Variants in HECTD3 observed in about 807,000 individuals in gnomAD.
The protein encoded by HECTD3 is E3 ubiquitin-protein ligase HECTD3.
A neutral mutation model predicts 109.3 loss-of-function variants in HECTD3; 72 were observed. The ratio of observed to expected loss-of-function variants is 0.66; its 90% CI spans 0.54 to 0.80. The LOEUF is 0.80. HECTD3 is among the 30% of genes least tolerant of loss of function. The pLI, the probability that HECTD3 is intolerant of heterozygous loss-of-function variation, is 0.00. For synonymous variants in HECTD3, 481 were observed against 471.8 expected (o/e 1.02, Z -0.25); for missense variants, 1,041 against 1,165.2 (o/e 0.89, Z 1.55).
In HECTD3 at chr1:45,006,580, GC is replaced by G; in HGVS notation, c.1725+111del. The G allele has an allele frequency of 1.2e-6, 1 of 863,102 alleles. No homozygotes were observed. Among genetic ancestry groups the G allele is most frequent in the Middle Eastern group, 2.7e-4 (1 of 3,670 alleles). The allele number at this position is 863,102 out of a possible 1,614,324, so 53.5% of individuals were successfully genotyped here. A position where few individuals can be genotyped will look rare whatever the true frequency, so the allele number is the denominator to read the frequency against. Reference sequence around the variant, plus strand: ...GCTTCCCAAAGTGCTGGGATTACAGGCGTGAGCCACTGTGCCTGCCCCCTTT... The same window carrying G: ...GCTTCCCAAAGTGCTGGGATTACAGGGTGAGCCACTGTGCCTGCCCCCTTT... On this transcript the variant is annotated intron_variant, in intron 13 of 20. Coordinates refer to ENST00000372172, the MANE Select transcript of HECTD3 (RefSeq NM_024602.6). The surrounding 1 kb of genome is among the most constrained non-coding windows in gnomAD (Gnocchi z 4.7).
In HECTD3 at chr1:45,006,413, C is replaced by T. The variant is rs746022467; in HGVS notation, c.1725+279G>A. ...CTCCGTCTCCTGGGTTCAAGCGAGT[C>T]GCCTGCTTCAGCCTCCCATGTAGCT... On this transcript the variant is annotated intron_variant, in intron 13 of 20. Coordinates refer to ENST00000372172, the MANE Select transcript of HECTD3 (RefSeq NM_024602.6). The surrounding 1 kb of genome is among the most constrained non-coding windows in gnomAD (Gnocchi z 4.7). Among the ~76,000 whole-genome samples the T allele has an allele frequency of 6.6e-6, 1 of 151,722 alleles. No homozygotes were observed. The highest frequency in any genetic ancestry group is 1.5e-5 in the Non-Finnish European group (1 of 67,990).
rs1266789006 is a variant in HECTD3, at chr1:45,003,708, G to C, written c.2462C>G (p.Ser821Cys). 1 of 1,614,128 alleles carries C rather than the reference G, an allele frequency of 6.2e-7. No individual in the cohort carries two copies. Among genetic ancestry groups the C allele is most frequent in the South Asian group, 1.1e-5 (1 of 91,084 alleles). The change falls in exon 20 of 21, where the codon TCC becomes TGC. Residue 821 changes from serine to cysteine, a missense_variant. Ser to Cys is a moderately radical substitution (Grantham distance 112). Coordinates refer to ENST00000372172, the MANE Select transcript of HECTD3 (RefSeq NM_024602.6). The surrounding 1 kb of genome is among the most constrained non-coding windows in gnomAD (Gnocchi z 4.7). Reference sequence around the variant, plus strand: ...CAGGAAGAGGGTGCTGGAGCAAGTGGAAGACTCGGGCAGCGCGTCTGTGGT... The same window carrying C: ...CAGGAAGAGGGTGCTGGAGCAAGTGCAAGACTCGGGCAGCGCGTCTGTGGT... ...YETTDALPES[S>C]TCSSTLFLPH... is the part of the protein sequence containing the mutation.
rs1406612709 is a variant in HECTD3 at position 45,010,910 on chromosome 1, C to G, written c.348G>C (p.Gly116=). ...GCACCTTTGTCAGCTTCACCCAGAG[C>G]CCGTGGCCATTGCACAGCTCCTCGC... The part of the protein sequence containing the change: ...TTGEELCNGH[G]LWVKLTKEQL... The change falls in exon 1 of 21, where the codon GGG becomes GGC. Residue 116 remains glycine (G), a synonymous_variant. Coordinates refer to ENST00000372172, the MANE Select transcript of HECTD3 (RefSeq NM_024602.6). The G allele has an allele frequency of 1.3e-6, 2 of 1,544,822 alleles. No individual in the cohort carries two copies. Among genetic ancestry groups the G allele is most frequent in the East Asian group, 2.3e-5 (1 of 43,586 alleles).
Position 45,011,313 on chromosome 1 carries a change from G to C in HECTD3, c.-56C>G. ...CGACCCTGCCCGGGGAACAGCTGGC[G>C]CGACCGCGGACAGAGCTTCCCACCA... On this transcript the variant is annotated 5_prime_UTR_variant, in exon 1 of 21. Transcript: ENST00000372172. 1.5e-6 allele frequency: 2 copies of C among 1,350,926 alleles called. No individual in the cohort carries two copies. Among genetic ancestry groups the C allele is most frequent in the Non-Finnish European group, 9.5e-7 (1 of 1,056,998 alleles). The allele number at this position is 1,350,926 out of a possible 1,614,324, so 83.7% of individuals were successfully genotyped here.
chr1:45,006,182 C>G lies in HECTD3; in HGVS notation c.1726-66G>C. The G allele has an allele frequency of 6.4e-7, 1 of 1,569,544 alleles. No individual in the cohort carries two copies. Among genetic ancestry groups the G allele is most frequent in the South Asian group, 1.2e-5 (1 of 86,648 alleles). On this transcript the variant is annotated intron_variant, in intron 13 of 20. Transcript: ENST00000372172. The surrounding 1 kb of genome is among the most constrained non-coding windows in gnomAD (Gnocchi z 4.7). ...CCCTATTTTCCTGGCCCAAAGACTT[C>G]CCTGAACATTTTCCACTGGGAACAT...
intron 15 of HECTD3, chr1:45,005,047 T>C (rs1644722454): frequency 1.7e-6 from 1 of 581,016 alleles, no homozygotes; most frequent in South Asian, 2.0e-5. Context: ...AAATGATGGC[T>C]GGGACATAAG....
chr1:45,008,966 C>G (rs1253331092), intron 7 of HECTD3, among the ~76,000 whole-genome samples, 178 bp downstream of exon 7: 2 of 152,144 alleles, frequency 1.3e-5, no homozygotes, highest in African/African-American at 4.8e-5. Context: ...GGCTTTAAGG[C>G]AGGCCTATAC....
intron 15 of HECTD3, chr1:45,005,546 C>T: frequency 2.5e-6 from 1 of 399,722 alleles, no homozygotes; most frequent in Admixed American, 4.0e-5. Flanking sequence ...CACACTGAGC[C>T]TGAGATGCCA....
Position 45,009,469 on chromosome 1 carries a change from T to C in HECTD3, c.889A>G (p.Thr297Ala). Residue 297 changes from threonine to alanine, a missense_variant, in exon 6 of 21, where the codon ACA becomes GCA. By Grantham distance (58) the Thr-to-Ala change is moderately conservative (BLOSUM62 0). Around this residue, in one of 2 missense-constraint regions of HECTD3, gnomAD observed 472 missense variants for 449.9 expected, o/e 1.05. Coordinates refer to ENST00000372172, the MANE Select transcript of HECTD3 (RefSeq NM_024602.6). Reference protein sequence around the residue: ...KGTIVKKLLLTVDTTDDNFMP... With the variant: ...KGTIVKKLLLAVDTTDDNFMP... Reference sequence around the variant, plus strand: ...AAGTTGTCATCTGTGGTATCCACTGTGAGTAGCAGCTTCCTGAAGGGTCAG... The same window carrying C: ...AAGTTGTCATCTGTGGTATCCACTGCGAGTAGCAGCTTCCTGAAGGGTCAG... 1 of 1,614,002 alleles carries C rather than the reference T, an allele frequency of 6.2e-7. No homozygotes were observed. The highest frequency in any genetic ancestry group is 8.5e-7 in the Non-Finnish European group (1 of 1,179,882).
chr1:45,010,782 G>A (rs1644783648), intron 1 of HECTD3, 76 bp from the exon 2 acceptor site: 3 of 1,511,340 alleles, frequency 2.0e-6, no homozygotes, highest in African/African-American at 1.4e-5. Context: ...CAGGGCAAAG[G>A]GCGCCGAACG....
intron 9 of HECTD3, 85 bp from the exon 10 acceptor site, chr1:45,007,680 C>T: frequency 4.4e-6 from 5 of 1,130,032 alleles, no homozygotes; most frequent in Non-Finnish European, 6.3e-6. Flanking sequence ...TGCCTGTATC[C>T]AATTCCACCG....
rs1430695267 is a variant in HECTD3, at chr1:45,007,157, TTTGTG to T, written c.1556+57_1556+61del. On this transcript the variant is annotated intron_variant, in intron 11 of 20. Coordinates refer to ENST00000372172, the MANE Select transcript of HECTD3 (RefSeq NM_024602.6). ...GTGTGTGTGTGTGTGTGTGTGTGTGTTTGTGTGTGTTTGTGTGCACAAACAGGTGT... is the reference window on the plus strand; with the variant it reads ...GTGTGTGTGTGTGTGTGTGTGTGTGTTGTGTTTGTGTGCACAAACAGGTGT... 2.3e-5 allele frequency: 32 copies of T among 1,404,734 alleles called. No individual in the cohort carries two copies. In the African/African-American group the frequency reaches 5.4e-4, roughly 23 times the overall value. 87.0% of individuals were successfully genotyped at this position (1,404,734 alleles called of 1,614,324 possible). A position where few individuals can be genotyped will look rare whatever the true frequency, so the allele number is the denominator to read the frequency against.
At chr1:45,009,878 G>T in intron 4 of HECTD3, 108 bp downstream of exon 4, 2 of 1,373,602 alleles carry the variant, frequency 1.5e-6, no homozygotes, top group Non-Finnish European at 9.9e-7. Context: ...AGTGTGGCCT[G>T]TGGGGACCCT....
chr1:45,005,716 C>T, intron 15 of HECTD3, 78 bp downstream of exon 15: 1 of 1,134,766 alleles, frequency 8.8e-7, no homozygotes, highest in Non-Finnish European at 1.3e-6. Flanking sequence ...GGTGAAAGAA[C>T]AAGGTACAGA....
intron 6 of HECTD3, 50 bp from the exon 7 acceptor site, chr1:45,009,276 C>T: frequency 6.4e-7 from 1 of 1,552,926 alleles, no homozygotes. Flanking sequence ...CTCAGGCCTT[C>T]AGAGACTGCT....
rs773545209 is a variant in HECTD3, at chr1:45,007,028, T to C, written c.1557-13A>G. ...GCGCATGGGCCACCTGCAAAAAACG[T>C]GGGCAGATTTGTCATTATGTGGGGC... On this transcript the variant is annotated splice_polypyrimidine_tract_variant and intron_variant, in intron 11 of 20. Coordinates refer to ENST00000372172, the MANE Select transcript of HECTD3 (RefSeq NM_024602.6). 1 of 1,613,970 alleles carries C rather than the reference T, an allele frequency of 6.2e-7. No individual in the cohort carries two copies. The highest frequency in any genetic ancestry group is 8.5e-7 in the Non-Finnish European group (1 of 1,179,992).
chr1:45,011,194 A>T lies in HECTD3; in HGVS notation c.64T>A (p.Phe22Ile). The stretch of plus-strand genomic sequence containing the variant: ...AGGCTCCGCGCTGCCTCTGCCAAGA[A>T]GCGCACGCGGCCCAGCAGCTGCCGG... ...SPRQLLGRVR[F>I]LAEAARSLRA... Residue 22 changes from phenylalanine to isoleucine, a missense_variant, in exon 1 of 21, where the codon TTC (phenylalanine) becomes ATC (isoleucine). This residue lies in a region of HECTD3 where 472 missense variants were observed against 449.9 expected (regional missense o/e 1.05). Coordinates refer to ENST00000372172, the MANE Select transcript of HECTD3 (RefSeq NM_024602.6). The T allele has an allele frequency of 6.8e-7, 1 of 1,468,884 alleles. No homozygotes were observed. Among genetic ancestry groups the T allele is most frequent in the Non-Finnish European group, 8.9e-7 (1 of 1,118,712 alleles). 91.0% of individuals were successfully genotyped at this position (1,468,884 alleles called of 1,614,324 possible).
At position 45,010,568 on chromosome 1, in the gene HECTD3, C is replaced by G; in HGVS notation, c.508G>C (p.Val170Leu). The G allele has an allele frequency of 6.2e-7, 1 of 1,613,702 alleles. No homozygotes were observed. Among genetic ancestry groups the G allele is most frequent in the Non-Finnish European group, 8.5e-7 (1 of 1,180,006 alleles). Reference sequence around the variant, plus strand: ...TACCTGAGCACCGGCCGATAATCCACGCCAAAGAGCTGCTGCTGCCGCTGG... The same window carrying G: ...TACCTGAGCACCGGCCGATAATCCAGGCCAAAGAGCTGCTGCTGCCGCTGG... ...HLQRQQQLFG[V>L]DYRPVLRWEQ... is the part of the protein sequence containing the mutation. The change falls in exon 2 of 21, where the codon GTG becomes CTG. Residue 170 changes from valine to leucine, a missense_variant. By Grantham distance (32) the Val-to-Leu change is conservative. Coordinates refer to ENST00000372172, the MANE Select transcript of HECTD3 (RefSeq NM_024602.6).
chr1:45,009,673 T>G lies in HECTD3; in HGVS notation c.770A>C (p.Asn257Thr). 6.2e-7 allele frequency: 1 copy of G among 1,613,468 alleles called. No homozygotes were observed. The highest frequency in any genetic ancestry group is 8.5e-7 in the Non-Finnish European group (1 of 1,179,506). ...IDVSSYTEEF[N>T]VSCLTDSNAD... The stretch of plus-strand genomic sequence containing the variant: ...ATTGCTGTCTGTCAGGCAGGACACG[T>G]TGAACTCCTCCTGGGGAGGGGCAGA... The change falls in exon 5 of 21, where the codon AAC becomes ACC. Residue 257 changes from asparagine (N) to threonine (T), a missense_variant. Physicochemically the swap from Asn to Thr is moderately conservative, Grantham distance 65 (BLOSUM62 0). Transcript: ENST00000372172.
Sources: allele counts gnomAD v4.1 joint callset (sites outside exome capture counted in the v4.1 genomes callset), GRCh38; gene constraint gnomAD v4.1.1; regional missense constraint gnomAD v4.1.1; non-coding constraint Gnocchi (gnomAD v3.1); transcripts MANE v1.5; gene names NCBI Gene and HGNC (gene_info 2026-07-23, HGNC 2026-07-21).